ELMO1: variants seen among roughly 807,000 people sequenced by gnomAD.
ELMO1 encodes engulfment and cell motility 1, also known as engulfment and cell motility protein 1.
A neutral mutation model predicts 98.9 loss-of-function variants in ELMO1; 26 were observed. The ratio of observed to expected loss-of-function variants is 0.26; its 90% CI spans 0.19 to 0.36. ELMO1 has a LOEUF of 0.36. Among genes scored for constraint, ELMO1 ranks in the 10% least tolerant of loss-of-function variants. ELMO1 has a pLI of 1.00. For missense variants in ELMO1, 627 were observed against 935.2 expected (o/e 0.67, Z 4.30); for synonymous variants, 346 against 346.0 (o/e 1.00, Z 0.00).
At chr7:37,043,015 C>T (rs1213990234) in intron 15 of ELMO1, among the ~76,000 whole-genome samples, 2 of 152,198 alleles carry the variant, frequency 1.3e-5, no homozygotes, top group Admixed American at 6.5e-5. Flanking sequence ...AGTTCATTAT[C>T]GTGTCCACAT....
intron 4 of ELMO1, among the ~76,000 whole-genome samples, chr7:37,274,897 G>A (rs1415507297): frequency 6.6e-6 from 1 of 152,130 alleles, no homozygotes; most frequent in Non-Finnish European, 1.5e-5. Flanking sequence ...GCTGCAATGA[G>A]ACATTCCTAA....
chr7:37,203,954 G>C (rs1168747786), intron 13 of ELMO1, among the ~76,000 whole-genome samples: 5 of 152,078 alleles, frequency 3.3e-5, no homozygotes, highest in African/African-American at 1.2e-4. Context: ...GGGATTGTTA[G>C]AGAGCCCTTT....
intron 4 of ELMO1, among the ~76,000 whole-genome samples, chr7:37,304,003 G>GC (rs1276412139): frequency 6.6e-6 from 1 of 151,982 alleles, no homozygotes; most frequent in African/African-American, 2.4e-5. Flanking sequence ...GCTCTTCCGA[G>GC]CTCCCTCTCA....
chr7:37,146,102 T>C (rs1201178925), intron 13 of ELMO1, among the ~76,000 whole-genome samples: 1 of 152,198 alleles, frequency 6.6e-6, no homozygotes, highest in Non-Finnish European at 1.5e-5. Flanking sequence ...AATGAGAAGC[T>C]CTGTGGTTGG....
At chr7:37,433,824 C>T (rs909999652) in intron 1 of ELMO1, among the ~76,000 whole-genome samples, 3 of 152,110 alleles carry the variant, frequency 2.0e-5, no homozygotes, top group African/African-American at 4.8e-5. Flanking sequence ...TGTACATGCG[C>T]TGTCTCCTGC....
chr7:37,030,670 T>A (rs1187220765), intron 15 of ELMO1, among the ~76,000 whole-genome samples: 2 of 152,202 alleles, frequency 1.3e-5, no homozygotes, highest in Non-Finnish European at 2.9e-5. Flanking sequence ...GATACCTGGA[T>A]AATTGTTCTT....
chr7:37,043,016 G>A (rs1256251060), intron 15 of ELMO1, among the ~76,000 whole-genome samples: 8 of 152,038 alleles, frequency 5.3e-5, no homozygotes, highest in Non-Finnish European at 8.8e-5. Context: ...GTTCATTATC[G>A]TGTCCACATT....
At chr7:37,045,629 G>A (rs1431789281) in intron 15 of ELMO1, among the ~76,000 whole-genome samples, 1 of 151,962 alleles carries the variant, frequency 6.6e-6, no homozygotes, top group Non-Finnish European at 1.5e-5. Context: ...TTTGAACTTG[G>A]GAGGAAGAAG....
At chr7:37,155,503 A>ATAAAT (rs1554427526) in intron 13 of ELMO1, among the ~76,000 whole-genome samples, 5 of 131,738 alleles carry the variant, frequency 3.8e-5, no homozygotes, top group Non-Finnish European at 8.1e-5. Context: ...AAAAAAAAAA[A>ATAAAT]AAAAAGCAGG....
intron 1 of ELMO1, among the ~76,000 whole-genome samples, chr7:37,367,665 T>C (rs1410600438): frequency 1.3e-5 from 2 of 152,158 alleles, no homozygotes; most frequent in Non-Finnish European, 2.9e-5. Context: ...ATCACCCGTG[T>C]GTGGTAGGAA....
intron 16 of ELMO1, among the ~76,000 whole-genome samples, chr7:36,913,747 C>G (rs1784497336): frequency 6.6e-6 from 1 of 152,156 alleles, no homozygotes; most frequent in South Asian, 2.1e-4. Context: ...AAATGAGTCC[C>G]TATGCTATAG....
At chr7:37,292,700 G>A (rs1283954805) in intron 4 of ELMO1, among the ~76,000 whole-genome samples, 4 of 55,550 alleles carry the variant, frequency 7.2e-5, no homozygotes, top group Non-Finnish European at 1.6e-4. Context: ...AGTGAGGAGC[G>A]TCTCCGCCCG....
chr7:37,049,777 CTTTTT>C (rs34896674), intron 15 of ELMO1, among the ~76,000 whole-genome samples: 1 of 131,066 alleles, frequency 7.6e-6, no homozygotes. Flanking sequence ...TGTTTTGTTT[CTTTTT>C]TTTTTTTTTT....
chr7:36,996,233 C>T (rs1455905579), intron 16 of ELMO1, among the ~76,000 whole-genome samples: 2 of 152,080 alleles, frequency 1.3e-5, no homozygotes, highest in African/African-American at 4.8e-5. Context: ...CTGTCATAGC[C>T]ACACAATGCC....
intron 14 of ELMO1, among the ~76,000 whole-genome samples, chr7:37,131,324 C>T (rs1446865531): frequency 1.4e-4 from 22 of 152,142 alleles, no homozygotes; most frequent in Admixed American, 1.4e-3. Context: ...CTTCTCTTTA[C>T]AAATAGGTTT....
At chr7:37,059,220 T>C (rs1796543398) in intron 15 of ELMO1, among the ~76,000 whole-genome samples, 1 of 152,186 alleles carries the variant, frequency 6.6e-6, no homozygotes, top group Non-Finnish European at 1.5e-5. Flanking sequence ...AAAATATCAC[T>C]CCAGTGGGGG....
At chr7:36,915,941 TTA>T (rs909556041) in intron 16 of ELMO1, among the ~76,000 whole-genome samples, 118 of 152,290 alleles carry the variant, frequency 7.7e-4, no homozygotes, top group African/African-American at 2.7e-3. Context: ...GATGTGGTGT[TTA>T]TTTGGGGTCA....
intron 13 of ELMO1, among the ~76,000 whole-genome samples, chr7:37,139,898 C>A (rs1283930281): frequency 6.6e-6 from 1 of 151,808 alleles, no homozygotes; most frequent in African/African-American, 2.4e-5. Flanking sequence ...AATAGAGAAC[C>A]CAGAAATAGA....
intron 1 of ELMO1, among the ~76,000 whole-genome samples, chr7:37,412,412 G>A (rs1365415643): frequency 3.9e-5 from 6 of 152,194 alleles, no homozygotes; most frequent in Non-Finnish European, 5.9e-5. Flanking sequence ...GTGGTAAGAT[G>A]TCTCTTGGAT....
Sources: allele counts gnomAD v4.1 joint callset (sites outside exome capture counted in the v4.1 genomes callset), GRCh38; gene constraint gnomAD v4.1.1; transcripts MANE v1.5; gene names NCBI Gene and HGNC (gene_info 2026-07-23, HGNC 2026-07-21).